DLG2: variants seen among roughly 807,000 people sequenced by gnomAD.
DLG2 encodes discs large MAGUK scaffold protein 2.
In DLG2, 45 loss-of-function variants were observed where a neutral mutation model predicts 132.5. The ratio of observed to expected loss-of-function variants is 0.34; its 90% CI spans 0.27 to 0.44. The LOEUF (loss-of-function observed/expected upper bound fraction) is 0.44. DLG2 is among the 20% of genes least tolerant of loss of function. The probability of loss-of-function intolerance (pLI) is 1.00; values close to 1 mark genes in which losing one functional copy is unlikely to be tolerated. For synonymous variants in DLG2, 424 were observed against 419.6 expected (o/e 1.01, Z -0.13); for missense variants, 1,045 against 1,196.9 (o/e 0.87, Z 1.87).
intron 3 of DLG2, among the ~76,000 whole-genome samples, chr11:85,581,340 C>T (rs1039102391): frequency 2.0e-5 from 3 of 152,054 alleles, no homozygotes; most frequent in African/African-American, 4.8e-5. Flanking sequence ...TGGCCAGGCA[C>T]AGTGGCTCAT....
At chr11:85,554,720 A>G (rs764110427) in intron 3 of DLG2, among the ~76,000 whole-genome samples, 1 of 150,776 alleles carries the variant, frequency 6.6e-6, no homozygotes, top group Non-Finnish European at 1.5e-5. Flanking sequence ...TTGCCCTTCT[A>G]TGATCGTTTA....
At chr11:85,087,894 ACT>A (rs1337403794) in intron 6 of DLG2, among the ~76,000 whole-genome samples, 2 of 150,458 alleles carry the variant, frequency 1.3e-5, no homozygotes, top group African/African-American at 4.9e-5. Flanking sequence ...ATTTGAGGAC[ACT>A]GTGTTAAGGA....
At chr11:85,091,248 A>C (rs1327911924) in intron 6 of DLG2, among the ~76,000 whole-genome samples, 1 of 152,226 alleles carries the variant, frequency 6.6e-6, no homozygotes, top group Non-Finnish European at 1.5e-5. Context: ...GTGCAATAGC[A>C]TTATATCTCA....
chr11:83,644,424 A>G (rs1445347214), intron 18 of DLG2, among the ~76,000 whole-genome samples: 1 of 152,176 alleles, frequency 6.6e-6, no homozygotes, highest in Non-Finnish European at 1.5e-5. Context: ...AGACGGATTG[A>G]GAGAATTGTT....
chr11:84,642,564 T>C (rs2099668905), intron 6 of DLG2, among the ~76,000 whole-genome samples: 1 of 152,146 alleles, frequency 6.6e-6, no homozygotes, highest in African/African-American at 2.4e-5. Context: ...TAAGAGTGCC[T>C]GCCTTCCTGT....
At chr11:85,053,292 C>T (rs1342279526) in intron 6 of DLG2, among the ~76,000 whole-genome samples, 1 of 152,062 alleles carries the variant, frequency 6.6e-6, no homozygotes, top group Non-Finnish European at 1.5e-5. Context: ...GAAAAAGATT[C>T]AGAATGTAGT....
At chr11:83,678,563 C>T (rs2078173597) in intron 18 of DLG2, among the ~76,000 whole-genome samples, 1 of 152,144 alleles carries the variant, frequency 6.6e-6, no homozygotes, top group Non-Finnish European at 1.5e-5. Context: ...CTCTTGGTTT[C>T]CCCTCAGACT....
At chr11:84,776,987 C>A (rs1053585293) in intron 6 of DLG2, among the ~76,000 whole-genome samples, 1 of 151,742 alleles carries the variant, frequency 6.6e-6, no homozygotes, top group Admixed American at 6.6e-5. Context: ...TTAGGGTATC[C>A]ATCACTCAAA....
At chr11:84,912,062 G>C (rs1439956876) in intron 6 of DLG2, among the ~76,000 whole-genome samples, 1 of 152,162 alleles carries the variant, frequency 6.6e-6, no homozygotes, top group South Asian at 2.1e-4. Context: ...GAAATGTTCA[G>C]CTACATAAGC....
intron 6 of DLG2, among the ~76,000 whole-genome samples, chr11:84,726,154 T>C (rs559090661): frequency 2.0e-5 from 3 of 152,300 alleles, no homozygotes; most frequent in South Asian, 2.1e-4. Context: ...CTGAGGTACA[T>C]GTGCAGAATG....
At chr11:83,678,512 C>G (rs1286334420) in intron 18 of DLG2, among the ~76,000 whole-genome samples, 1 of 152,192 alleles carries the variant, frequency 6.6e-6, no homozygotes, top group Non-Finnish European at 1.5e-5. Context: ...TTAACAGCAT[C>G]CATCCCTTGC....
At chr11:85,399,169 T>A (rs1487031326) in intron 3 of DLG2, among the ~76,000 whole-genome samples, 1 of 152,054 alleles carries the variant, frequency 6.6e-6, no homozygotes, top group Non-Finnish European at 1.5e-5. Context: ...ATGAGTGAAC[T>A]CCCATTCACA....
chr11:85,502,971 T>C (rs563812479), intron 3 of DLG2, among the ~76,000 whole-genome samples: 1 of 152,028 alleles, frequency 6.6e-6, no homozygotes, highest in African/African-American at 2.4e-5. Context: ...AATCCTGCAA[T>C]AGAATGATAT....
At chr11:85,401,289 C>G (rs1187140937) in intron 3 of DLG2, among the ~76,000 whole-genome samples, 3 of 152,058 alleles carry the variant, frequency 2.0e-5, no homozygotes, top group Admixed American at 1.3e-4. Context: ...AATTTAACAG[C>G]CTTTCATGCA....
At chr11:85,182,410 C>A (rs1340810214) in intron 4 of DLG2, among the ~76,000 whole-genome samples, 1 of 151,892 alleles carries the variant, frequency 6.6e-6, no homozygotes. Context: ...TTTATTCAGC[C>A]TGACACATTT....
At position 85,561,727 on chromosome 11, in the gene DLG2, C is replaced by T. The variant is rs1469158170; in HGVS notation, c.40+36930G>A. 2.6e-5 allele frequency among the ~76,000 whole-genome samples: 4 copies of T among 151,892 alleles called. 1 individual carries two copies. The highest frequency in any genetic ancestry group is 4.2e-4 in the South Asian group (2 of 4,808). On this transcript the variant is annotated intron_variant, in intron 3 of 27. Transcript: ENST00000376104. ...TTCATTATGCTATAAATCTTACAAC[C>T]GTTCTAATCACAAACTGGTACAGTT...
At chr11:84,722,667 GTCC>G (rs1347822286) in intron 6 of DLG2, among the ~76,000 whole-genome samples, 1 of 152,120 alleles carries the variant, frequency 6.6e-6, no homozygotes, top group Non-Finnish European at 1.5e-5. Flanking sequence ...AGGAATGCAA[GTCC>G]TCTTTATGAA....
chr11:84,499,513 G>T (rs1590870583), intron 7 of DLG2, among the ~76,000 whole-genome samples: 1 of 152,118 alleles, frequency 6.6e-6, no homozygotes. Flanking sequence ...TCATAACAAT[G>T]CCAAAACTGC....
intron 3 of DLG2, among the ~76,000 whole-genome samples, chr11:85,379,209 TA>T (rs1279788717): frequency 1.3e-5 from 2 of 152,150 alleles, no homozygotes; most frequent in African/African-American, 2.4e-5. Context: ...CTTTTACACA[TA>T]AATGTCTGCT....
Sources: gnomAD v4.1 joint callset for allele counts (sites outside exome capture counted in the v4.1 genomes callset) on GRCh38, gnomAD v4.1.1 for gene constraint, MANE v1.5 for transcripts, NCBI Gene and HGNC (gene_info 2026-07-23, HGNC 2026-07-21) for gene names.